The following KRIT1 variants were observed in gnomAD, a reference collection of about 807,000 sequenced individuals.
The protein encoded by KRIT1 is KRIT1 ankyrin repeat containing.
KRIT1 carries 45 observed loss-of-function variants against 95.8 expected under a neutral mutation model. That is an observed-to-expected ratio of 0.47 (90% CI 0.37 to 0.60). The LOEUF (loss-of-function observed/expected upper bound fraction) is 0.60. KRIT1 is among the 20% of genes least tolerant of loss of function. The pLI is 0.00. For missense variants in KRIT1, 788 were observed against 877.5 expected, an observed-to-expected ratio of 0.90 and a Z score of 1.29; for synonymous variants, 282 against 278.8, an observed-to-expected ratio of 1.01 and a Z score of -0.11.
intron 5 of KRIT1, 119 bp from the exon 6 acceptor site, chr7:92,237,878 C>T (rs1798759631): frequency 3.1e-6 from 2 of 641,544 alleles, no homozygotes; most frequent in South Asian, 1.8e-5. Context: ...CTGAAATATA[C>T]TAAGTCAATT....
At chr7:92,217,437 C>G (rs1223712674) in intron 14 of KRIT1, among the ~76,000 whole-genome samples, 2 of 152,200 alleles carry the variant, frequency 1.3e-5, no homozygotes, top group African/African-American at 4.8e-5. Flanking sequence ...CACCCCTCCC[C>G]TAGCCCAGCA....
chr7:92,236,174 C>A, intron 7 of KRIT1: 1 of 398,088 alleles, frequency 2.5e-6, no homozygotes, highest in Non-Finnish European at 4.6e-6. Flanking sequence ...AATCTTAATT[C>A]TTAAGCCAGG....
At position 92,228,627 on chromosome 7, in the gene KRIT1, G is replaced by A. The variant is rs1434489595; in HGVS notation, c.990-1945C>T. ...ATTTTAGACTCTGGGGTACATGTGC[G>A]GGTTTGTTACATAGGTAAATTCTTG... is the stretch of plus-strand genomic sequence containing the variant. On this transcript the variant is annotated intron_variant, in intron 10 of 18. Coordinates refer to ENST00000394505, the MANE Select transcript of KRIT1 (RefSeq NM_194454.3). Among the ~76,000 whole-genome samples the A allele has an allele frequency of 2.6e-5, 4 of 151,946 alleles. No homozygotes were observed. In the East Asian group the frequency reaches 7.7e-4, roughly 29 times the overall value.
At position 92,235,499 on chromosome 7, in the gene KRIT1, A is replaced by G; in HGVS notation, c.633T>C (p.Ser211=). Residue 211 remains serine (S), a synonymous_variant, in exon 8 of 19, where the codon AGT becomes AGC. Coordinates refer to ENST00000394505, the MANE Select transcript of KRIT1 (RefSeq NM_194454.3). ...ACATTTTACTCTTTATTTCTAGTGC[A>G]CTATAGCCCATATGTAGTGAGTTTT... is the stretch of plus-strand genomic sequence containing the variant. The part of the protein sequence containing the change: ...QTENSLHMGY[S]ALEIKSKMLA... The G allele has an allele frequency of 6.2e-7, 1 of 1,613,732 alleles. No homozygotes were observed. The highest frequency in any genetic ancestry group is 8.5e-7 in the Non-Finnish European group (1 of 1,179,670).
At chr7:92,220,487 T>C (rs1794903928) in intron 14 of KRIT1, among the ~76,000 whole-genome samples, 1 of 152,158 alleles carries the variant, frequency 6.6e-6, no homozygotes, top group Non-Finnish European at 1.5e-5. Context: ...GTTTACCAAG[T>C]TTGGACATGG....
Position 92,237,762 on chromosome 7 carries a change from A to G in KRIT1, c.263-3T>C. ...TTTCATTAGTACAACTCGTTTTCCT[A>G]ATCATTTTTAAAAAGTTAGCAAAAC... On this transcript the variant is annotated splice_polypyrimidine_tract_variant and splice_region_variant and intron_variant, in intron 5 of 18. Transcript: ENST00000394505. The G allele has an allele frequency of 6.5e-7, 1 of 1,533,398 alleles. No homozygotes were observed. The highest frequency in any genetic ancestry group is 9.0e-7 in the Non-Finnish European group (1 of 1,106,818). The allele number at this position is 1,533,398 out of a possible 1,614,324, so 95.0% of individuals were successfully genotyped here.
intron 17 of KRIT1, among the ~76,000 whole-genome samples, chr7:92,212,514 G>A (rs183910265): frequency 6.6e-6 from 1 of 152,232 alleles, no homozygotes; most frequent in African/African-American, 2.4e-5. Flanking sequence ...ACATGAATGG[G>A]ATTCATGCCT....
In KRIT1 at chr7:92,213,908, A is replaced by C; in HGVS notation, c.1802T>G (p.Ile601Arg). Residue 601 changes from isoleucine to arginine, a missense_variant, in exon 16 of 19, where the codon ATA becomes AGA. Coordinates refer to ENST00000394505, the MANE Select transcript of KRIT1 (RefSeq NM_194454.3). ...KSKAPHWTNR[I>R]LHEYKNLSTS... ...ACAGCTTACCTTGTATTCATGAAGT[A>C]TGCGATTTGTCCAGTGAGGTGCCTT... is the stretch of plus-strand genomic sequence containing the variant. 3 of 1,599,872 alleles carry C rather than the reference A, an allele frequency of 1.9e-6. No individual in the cohort carries two copies. Among genetic ancestry groups the C allele is most frequent in the Non-Finnish European group, 2.6e-6 (3 of 1,167,176 alleles).
intron 17 of KRIT1, among the ~76,000 whole-genome samples, chr7:92,209,743 T>C (rs567054759): frequency 1.3e-5 from 2 of 152,108 alleles, no homozygotes; most frequent in African/African-American, 2.4e-5. Flanking sequence ...TCCATGCTCA[T>C]GGATTGGAAG....
intron 14 of KRIT1, among the ~76,000 whole-genome samples, chr7:92,216,182 T>C (rs1383454406): frequency 1.3e-5 from 2 of 150,268 alleles, no homozygotes; most frequent in Admixed American, 1.3e-4. Context: ...TGAGCCGAAA[T>C]TGCACCAGTG....
intron 10 of KRIT1, among the ~76,000 whole-genome samples, chr7:92,232,884 G>A (rs945066707): frequency 3.9e-5 from 6 of 151,986 alleles, no homozygotes; most frequent in African/African-American, 9.7e-5. Flanking sequence ...TAATAGAGAC[G>A]GGATTTCATG....
rs764798413 is a variant in KRIT1 at position 92,214,768 on chromosome 7, G to A, written c.1573C>T (p.Pro525Ser). ...PLEVEKQIED[P>S]LAILILFDEA... ...TCAAAGAGAATAAGAATAGCTAGTG[G>A]GTCTTCAATCTTAAAGGAAAAAGTA... is the stretch of plus-strand genomic sequence containing the variant. The change falls in exon 15 of 19, where the codon CCA becomes TCA. Residue 525 changes from proline (P) to serine (S), a missense_variant. Transcript: ENST00000394505. 1 of 1,598,042 alleles carries A rather than the reference G, an allele frequency of 6.3e-7. No individual in the cohort carries two copies. Among genetic ancestry groups the A allele is most frequent in the Non-Finnish European group, 8.6e-7 (1 of 1,165,880 alleles).
chr7:92,200,634 G>A lies in KRIT1; in HGVS notation c.*102C>T, dbSNP rs1789932075. On this transcript the variant is annotated 3_prime_UTR_variant, in exon 19 of 19. Coordinates refer to ENST00000394505, the MANE Select transcript of KRIT1 (RefSeq NM_194454.3). ...CCCAAAGTGCTGGAATTACAGGGGT[G>A]AGCCACCATGCTCGGCCAAAAGTAA... 1 of 791,274 alleles carries A rather than the reference G, an allele frequency of 1.3e-6. No individual in the cohort carries two copies. The highest frequency in any genetic ancestry group is 2.2e-6 in the Non-Finnish European group (1 of 452,462). 49.0% of individuals were successfully genotyped at this position (791,274 alleles called of 1,614,324 possible).
At chr7:92,238,395 C>A (rs1264008985) in intron 5 of KRIT1, among the ~76,000 whole-genome samples, 1 of 152,182 alleles carries the variant, frequency 6.6e-6, no homozygotes, top group Non-Finnish European at 1.5e-5. Context: ...CTCGTTCCTG[C>A]CCCAGGTAGA....
At chr7:92,213,143 G>A in intron 17 of KRIT1, 52 bp downstream of exon 17, 1 of 1,243,878 alleles carries the variant, frequency 8.0e-7, no homozygotes, top group Non-Finnish European at 1.2e-6. Flanking sequence ...GGTTGGTACT[G>A]TTGTTTTAAC....
At chr7:92,242,784 T>G (rs918852431) in intron 3 of KRIT1, among the ~76,000 whole-genome samples, 5 of 152,222 alleles carry the variant, frequency 3.3e-5, no homozygotes, top group Admixed American at 2.0e-4. Flanking sequence ...ATCTTTTCCA[T>G]TTCCCTTATC....
Position 92,201,421 on chromosome 7 carries a change from A to G in KRIT1, c.2028T>C (p.Ala676=). The part of the protein sequence containing the change: ...GLHLLNMETK[A]LLISLKYGCF... ...AACCATACTTAAGACTGATGAGTAA[A>G]GCCTGCAACATAATTGGAAACAACT... Residue 676 remains alanine, a splice_region_variant and synonymous_variant, in exon 18 of 19, where the codon GCT becomes GCC. Transcript: ENST00000394505. 7.1e-7 allele frequency: 1 copy of G among 1,403,124 alleles called. No individual in the cohort carries two copies. The highest frequency in any genetic ancestry group is 1.0e-6 in the Non-Finnish European group (1 of 987,822). 86.9% of individuals were successfully genotyped at this position (1,403,124 alleles called of 1,614,324 possible). A position where few individuals can be genotyped will look rare whatever the true frequency, so the allele number is the denominator to read the frequency against.
At chr7:92,230,617 G>A (rs1330814849) in intron 10 of KRIT1, among the ~76,000 whole-genome samples, 1 of 152,182 alleles carries the variant, frequency 6.6e-6, no homozygotes, top group Non-Finnish European at 1.5e-5. Context: ...AAAGAAGTAG[G>A]TTCAGGTGAA....
rs545752264 is a variant in KRIT1 at position 92,226,195 on chromosome 7, G to A, written c.1146+331C>T. Among the ~76,000 whole-genome samples, 241 of 151,966 alleles carry A rather than the reference G, an allele frequency of 1.6e-3. 2 individuals are homozygous for A. Among genetic ancestry groups the A allele is most frequent in the African/African-American group, 5.5e-3 (230 of 41,470 alleles). On this transcript the variant is annotated intron_variant, in intron 11 of 18. Coordinates refer to ENST00000394505, the MANE Select transcript of KRIT1 (RefSeq NM_194454.3). ...GAAATACAATATAAAATGAAAAGAG[G>A]TTAAATTCTACATACATTCTGAAGA...
Sources: gnomAD v4.1 joint callset for allele counts (sites outside exome capture counted in the v4.1 genomes callset) on GRCh38, gnomAD v4.1.1 for gene constraint, MANE v1.5 for transcripts, NCBI Gene and HGNC (gene_info 2026-07-23, HGNC 2026-07-21) for gene names.